LDAH: variants seen among roughly 807,000 people sequenced by gnomAD.
The protein encoded by LDAH is lipid droplet associated hydrolase.
A neutral mutation model predicts 29.6 loss-of-function variants in LDAH; 26 were observed. That is an observed-to-expected ratio of 0.88 (90% CI 0.64 to 1.22). The LOEUF is 1.22. Among genes scored for constraint, LDAH ranks in the 50% most tolerant of loss-of-function variants. LDAH has a pLI of 0.00. For synonymous variants in LDAH, 117 were observed against 133.0 expected (o/e 0.88, Z 0.83); for missense variants, 344 against 387.3 (o/e 0.89, Z 0.94).
intron 2 of LDAH, among the ~76,000 whole-genome samples, chr2:20,795,534 A>G (rs570956526): frequency 5.1e-4 from 77 of 152,230 alleles, no homozygotes; most frequent in South Asian, 1.0e-3. Context: ...TGTTCATCTC[A>G]CTAGTTAAAG....
intron 5 of LDAH, among the ~76,000 whole-genome samples, chr2:20,735,673 GTAT>G (rs1558425773): frequency 2.0e-5 from 3 of 151,938 alleles, no homozygotes; most frequent in Non-Finnish European, 2.9e-5. Context: ...GACAGTTTGA[GTAT>G]TATGTTATGA....
At chr2:20,778,690 G>A (rs1351894238) in intron 3 of LDAH, among the ~76,000 whole-genome samples, 1 of 152,088 alleles carries the variant, frequency 6.6e-6, no homozygotes, top group Non-Finnish European at 1.5e-5. Context: ...AAATGCCAAA[G>A]TTAAGTATCT....
At chr2:20,715,254 G>A (rs984612783) in intron 5 of LDAH, among the ~76,000 whole-genome samples, 2 of 152,094 alleles carry the variant, frequency 1.3e-5, no homozygotes, top group Non-Finnish European at 2.9e-5. Context: ...GTAATCCATC[G>A]CATAAACAGA....
chr2:20,719,085 T>C (rs1038499522), intron 5 of LDAH, among the ~76,000 whole-genome samples: 2 of 151,814 alleles, frequency 1.3e-5, no homozygotes, highest in African/African-American at 4.8e-5. Context: ...ATAAATAACC[T>C]AATGATACAC....
intron 4 of LDAH, among the ~76,000 whole-genome samples, chr2:20,743,396 T>C (rs558288561): frequency 2.0e-5 from 3 of 148,214 alleles, no homozygotes; most frequent in Non-Finnish European, 4.4e-5. Context: ...ACATGTGCCA[T>C]GCTGGTGCGC....
At chr2:20,694,959 C>T (rs1213773863) in intron 6 of LDAH, among the ~76,000 whole-genome samples, 2 of 152,254 alleles carry the variant, frequency 1.3e-5, no homozygotes, top group African/African-American at 4.8e-5. Context: ...TTTCCTCTGG[C>T]GAGGCCCTCT....
intron 5 of LDAH, among the ~76,000 whole-genome samples, chr2:20,716,419 C>T (rs1286419646): frequency 6.6e-6 from 1 of 151,954 alleles, no homozygotes; most frequent in Non-Finnish European, 1.5e-5. Flanking sequence ...GAGTTAATGT[C>T]CTTTGCAGGG....
intron 5 of LDAH, among the ~76,000 whole-genome samples, chr2:20,712,545 T>C (rs4971539): frequency 0.22 from 33,727 of 152,052 alleles, 4,505 homozygotes; most frequent in East Asian, 0.36. Context: ...ACATTATGAG[T>C]TGACAGAAGT....
chr2:20,731,090 C>T (rs531175217), intron 5 of LDAH, among the ~76,000 whole-genome samples: 46 of 152,254 alleles, frequency 3.0e-4, no homozygotes, highest in African/African-American at 1.0e-3. Flanking sequence ...AAATCTTGCT[C>T]GGATTTTGAT....
intron 4 of LDAH, among the ~76,000 whole-genome samples, chr2:20,766,816 G>A (rs1159082560): frequency 3.3e-5 from 5 of 152,226 alleles, no homozygotes; most frequent in South Asian, 2.1e-4. Flanking sequence ...CAATGGCGGT[G>A]GTGGGTCCCC....
chr2:20,804,630 A>C (rs1671942000), intron 1 of LDAH, among the ~76,000 whole-genome samples: 1 of 152,070 alleles, frequency 6.6e-6, no homozygotes, highest in Admixed American at 6.5e-5. Context: ...CATTTCTAAA[A>C]TTTCACTTCT....
chr2:20,755,098 C>T (rs959234540), intron 4 of LDAH, among the ~76,000 whole-genome samples: 2 of 150,604 alleles, frequency 1.3e-5, no homozygotes, highest in Admixed American at 6.6e-5. Flanking sequence ...TATCCTCAAA[C>T]GGTTCAAGAA....
chr2:20,706,400 CAT>C lies in LDAH; in HGVS notation c.704-4750_704-4749del, dbSNP rs140521431. Among the ~76,000 whole-genome samples, 1,237 of 152,310 alleles carry C rather than the reference CAT, an allele frequency of 8.1e-3. 13 individuals are homozygous for C. The highest frequency in any genetic ancestry group is 0.028 in the African/African-American group (1,169 of 41,558). ...ATGTGAGCTACTTATCCTCTAAACA[CAT>C]AAAATTTGCATCCTCAGCCATTTTG... is the stretch of plus-strand genomic sequence containing the variant. On this transcript the variant is annotated intron_variant, in intron 5 of 6. Transcript: ENST00000237822.
intron 5 of LDAH, among the ~76,000 whole-genome samples, chr2:20,731,903 C>A (rs1234711467): frequency 6.6e-6 from 1 of 151,156 alleles, no homozygotes; most frequent in Non-Finnish European, 1.5e-5. Flanking sequence ...CTGGCAGAGC[C>A]GCAGAACCAT....
At chr2:20,800,528 A>T (rs1671586251) in intron 2 of LDAH, among the ~76,000 whole-genome samples, 1 of 152,266 alleles carries the variant, frequency 6.6e-6, no homozygotes, top group Non-Finnish European at 1.5e-5. Flanking sequence ...TCGCTCAAGC[A>T]TCTGTCCCTA....
intron 1 of LDAH, among the ~76,000 whole-genome samples, chr2:20,811,402 A>G (rs926579097): frequency 1.3e-5 from 2 of 152,154 alleles, no homozygotes; most frequent in South Asian, 2.1e-4. Flanking sequence ...CTCCTTCCTC[A>G]GAACAGTTTG....
Position 20,685,064 on chromosome 2 carries a change from T to G in LDAH, c.*1839A>C. On this transcript the variant is annotated 3_prime_UTR_variant, in exon 7 of 7. Transcript: ENST00000237822. ...GGCCAGACCAGGTCAGAAATGCTGG[T>G]AAAACATTTATTTCAAAAATTCATT... The G allele has an allele frequency of 3.0e-6, 3 of 1,011,234 alleles. No individual in the cohort carries two copies. Among genetic ancestry groups the G allele is most frequent in the Non-Finnish European group, 4.0e-6 (3 of 744,694 alleles). 62.6% of individuals were successfully genotyped at this position (1,011,234 alleles called of 1,614,324 possible).
At chr2:20,730,257 TA>T (rs1417826988) in intron 5 of LDAH, among the ~76,000 whole-genome samples, 2 of 152,194 alleles carry the variant, frequency 1.3e-5, no homozygotes, top group Admixed American at 1.3e-4. Context: ...CTATTATGAA[TA>T]AAACTACAAT....
At chr2:20,756,715 A>G (rs1308256739) in intron 4 of LDAH, among the ~76,000 whole-genome samples, 1 of 152,188 alleles carries the variant, frequency 6.6e-6, no homozygotes. Flanking sequence ...AAAGAAAATA[A>G]ATCAAGAAAA....
Sources: gnomAD v4.1 joint callset for allele counts (sites outside exome capture counted in the v4.1 genomes callset) on GRCh38, gnomAD v4.1.1 for gene constraint, MANE v1.5 for transcripts, NCBI Gene and HGNC (gene_info 2026-07-23, HGNC 2026-07-21) for gene names.